Variants in ZBTB20 observed in about 807,000 individuals in gnomAD.
ZBTB20 encodes zinc finger and BTB domain containing 20, also known as zinc finger and BTB domain-containing protein 20.
ZBTB20 carries 9 observed loss-of-function variants against 56.9 expected under a neutral mutation model. The ratio of observed to expected loss-of-function variants is 0.16; its 90% CI spans 0.10 to 0.28. The LOEUF is 0.28. Among genes scored for constraint, ZBTB20 ranks in the 10% least tolerant of loss-of-function variants. The probability of loss-of-function intolerance (pLI) is 1.00; values close to 1 mark genes in which losing one functional copy is unlikely to be tolerated. For synonymous variants in ZBTB20, 417 were observed against 420.7 expected, an observed-to-expected ratio of 0.99 and a Z score of 0.11; for missense variants, 655 against 1,003.0, an observed-to-expected ratio of 0.65 and a Z score of 4.69.
rs1156700089 is a variant in ZBTB20, at chr3:114,350,500, G to A, written c.1578C>T (p.Phe526=). 2 of 1,614,028 alleles carry A rather than the reference G, an allele frequency of 1.2e-6. No homozygotes were observed. Among genetic ancestry groups the A allele is most frequent in the African/African-American group, 2.7e-5 (2 of 74,928 alleles). ...GGCCTGCCAGGGGCTGTGGCAGGCTGAAGAGGAAAGGCTTGGGGCCACTGC... is the reference window on the plus strand; with the variant it reads ...GGCCTGCCAGGGGCTGTGGCAGGCTAAAGAGGAAAGGCTTGGGGCCACTGC... ...PAGSGPKPFL[F]SLPQPLAGQQ... is the part of the protein sequence containing the mutation. The change falls in exon 11 of 12, where the codon TTC becomes TTT. Residue 526 remains phenylalanine (F), a synonymous_variant. Transcript: ENST00000675478.
intron 2 of ZBTB20, among the ~76,000 whole-genome samples, chr3:115,011,386 A>G (rs563567332): frequency 2.6e-5 from 4 of 152,008 alleles, no homozygotes; most frequent in Admixed American, 6.6e-5. Flanking sequence ...TCAAGGATAA[A>G]AAAGGATCCT....
chr3:114,677,735 T>C (rs757702044), intron 6 of ZBTB20, among the ~76,000 whole-genome samples: 1 of 152,166 alleles, frequency 6.6e-6, no homozygotes, highest in Non-Finnish European at 1.5e-5. Flanking sequence ...TATATATATA[T>C]ACATTGTGGG....
chr3:114,437,495 G>A (rs192952062), intron 7 of ZBTB20, among the ~76,000 whole-genome samples: 7 of 152,222 alleles, frequency 4.6e-5, no homozygotes, highest in Non-Finnish European at 8.8e-5. Context: ...AAAGAAGGAG[G>A]AGGAAGAGGT....
At chr3:114,942,705 A>G (rs775663892) in intron 3 of ZBTB20, among the ~76,000 whole-genome samples, 3 of 146,180 alleles carry the variant, frequency 2.1e-5, no homozygotes, top group Non-Finnish European at 3.0e-5. Context: ...TTTAAAACTC[A>G]ATAGTCTATA....
intron 3 of ZBTB20, among the ~76,000 whole-genome samples, chr3:114,901,547 G>C (rs2075120604): frequency 6.6e-6 from 1 of 151,850 alleles, no homozygotes; most frequent in African/African-American, 2.4e-5. Context: ...TTAGTCCCAG[G>C]AATCAAATGT....
intron 6 of ZBTB20, among the ~76,000 whole-genome samples, chr3:114,690,456 G>C (rs1182659050): frequency 6.6e-6 from 1 of 152,100 alleles, no homozygotes; most frequent in African/African-American, 2.4e-5. Context: ...AAGACAGTGA[G>C]ACAGCACAAG....
At chr3:114,595,163 T>C (rs1264479483) in intron 6 of ZBTB20, among the ~76,000 whole-genome samples, 2 of 152,222 alleles carry the variant, frequency 1.3e-5, no homozygotes, top group African/African-American at 4.8e-5. Context: ...CCTAGTTTAG[T>C]ACAACACTCC....
intron 6 of ZBTB20, among the ~76,000 whole-genome samples, chr3:114,602,958 C>T (rs2069431747): frequency 6.6e-6 from 1 of 151,912 alleles, no homozygotes; most frequent in African/African-American, 2.4e-5. Flanking sequence ...CTCTGGAGTA[C>T]AGCAGATGAA....
intron 7 of ZBTB20, among the ~76,000 whole-genome samples, chr3:114,407,897 A>T (rs1576624958): frequency 6.9e-6 from 1 of 145,194 alleles, no homozygotes; most frequent in South Asian, 2.2e-4. Flanking sequence ...GGGAAACCAA[A>T]TGTAACCTAT....
At chr3:114,876,255 C>T (rs927026224) in intron 4 of ZBTB20, 2 of 148,416 alleles carry the variant, frequency 1.3e-5, no homozygotes, top group African/African-American at 2.5e-5. Context: ...ACACTGCACA[C>T]AATTTGTAGT....
At chr3:114,743,740 C>T (rs988190357) in intron 5 of ZBTB20, 3 of 153,338 alleles carry the variant, frequency 2.0e-5, no homozygotes, top group African/African-American at 7.2e-5. Context: ...CTGACCACCT[C>T]CAGCTGACTC....
At chr3:115,049,326 T>A (rs2081455914) in intron 2 of ZBTB20, among the ~76,000 whole-genome samples, 1 of 152,168 alleles carries the variant, frequency 6.6e-6, no homozygotes, top group Admixed American at 6.5e-5. Context: ...ACTTTTTTAT[T>A]TCTAGCATCT....
At chr3:114,532,703 C>T (rs1210996984) in intron 6 of ZBTB20, among the ~76,000 whole-genome samples, 1 of 152,182 alleles carries the variant, frequency 6.6e-6, no homozygotes, top group Non-Finnish European at 1.5e-5. Flanking sequence ...GGAGACACCT[C>T]CCAGCAGGGG....
intron 5 of ZBTB20, among the ~76,000 whole-genome samples, chr3:114,741,309 T>C (rs1206961022): frequency 6.6e-6 from 1 of 152,174 alleles, no homozygotes; most frequent in Non-Finnish European, 1.5e-5. Flanking sequence ...ACCTGACTAA[T>C]GTGTGCTGTG....
At chr3:114,656,897 G>A (rs375279174) in intron 6 of ZBTB20, among the ~76,000 whole-genome samples, 10 of 152,218 alleles carry the variant, frequency 6.6e-5, no homozygotes, top group African/African-American at 1.7e-4. Flanking sequence ...ATAAGCATAC[G>A]CCACCACATC....
intron 6 of ZBTB20, among the ~76,000 whole-genome samples, chr3:114,516,176 G>A (rs1249514435): frequency 6.6e-6 from 1 of 151,908 alleles, no homozygotes; most frequent in Non-Finnish European, 1.5e-5. Flanking sequence ...AATAAGTTTT[G>A]CCTTATATGT....
At chr3:114,961,094 TGAGTG>T (rs2077433374) in intron 3 of ZBTB20, among the ~76,000 whole-genome samples, 1 of 150,832 alleles carries the variant, frequency 6.6e-6, no homozygotes, top group East Asian at 1.9e-4. Context: ...TGAAGAAATG[TGAGTG>T]TCCTTCTACA....
chr3:114,458,029 A>G (rs2109097439), intron 7 of ZBTB20, among the ~76,000 whole-genome samples: 1 of 152,334 alleles, frequency 6.6e-6, no homozygotes, highest in East Asian at 1.9e-4. Flanking sequence ...CTTCTTCTGT[A>G]GCTCACTTCA....
chr3:114,842,987 T>TA (rs554291218), intron 4 of ZBTB20, among the ~76,000 whole-genome samples: 4 of 152,142 alleles, frequency 2.6e-5, no homozygotes, highest in Non-Finnish European at 5.9e-5. Flanking sequence ...TCTGTGATAG[T>TA]AAGTGAGGTC....
Sources: gnomAD v4.1 joint callset for allele counts (sites outside exome capture counted in the v4.1 genomes callset) on GRCh38, gnomAD v4.1.1 for gene constraint, MANE v1.5 for transcripts, NCBI Gene and HGNC (gene_info 2026-07-23, HGNC 2026-07-21) for gene names.